The following PCDHA3 variants were observed in gnomAD, a reference collection of about 807,000 sequenced individuals.
PCDHA3 encodes protocadherin alpha-3.
A neutral mutation model predicts 62.2 loss-of-function variants in PCDHA3; 41 were observed. That is an observed-to-expected ratio of 0.66 (90% CI 0.51 to 0.86). The LOEUF (loss-of-function observed/expected upper bound fraction) is 0.86, where lower values mean the gene tolerates loss of function less well. Among genes scored for constraint, PCDHA3 ranks in the 40% least tolerant of loss-of-function variants. The pLI, the probability that PCDHA3 is intolerant of heterozygous loss-of-function variation, is 0.00. For synonymous variants in PCDHA3, 640 were observed against 555.4 expected, an observed-to-expected ratio of 1.15 and a Z score of -2.14; for missense variants, 1,304 against 1,241.2, an observed-to-expected ratio of 1.05 and a Z score of -0.76.
At chr5:140,904,110 T>C (rs556511949) in intron 1 of PCDHA3, among the ~76,000 whole-genome samples, 2 of 152,218 alleles carry the variant, frequency 1.3e-5, no homozygotes, top group Non-Finnish European at 2.9e-5. Context: ...TGGTCATTGC[T>C]GAGATTTTGG....
chr5:140,881,318 C>G (rs970806128), intron 1 of PCDHA3: 20 of 977,252 alleles, frequency 2.0e-5, no homozygotes, highest in East Asian at 2.3e-4. Context: ...TGGTTAAATT[C>G]TATTTAACCA....
intron 1 of PCDHA3, chr5:140,836,231 C>G (rs2150256029): frequency 2.5e-6 from 4 of 1,613,626 alleles, no homozygotes; most frequent in Admixed American, 1.7e-5. Flanking sequence ...CGGTGGCGGC[C>G]GGTGCGAGCA....
At chr5:140,851,790 T>A in intron 1 of PCDHA3, 1 of 955,904 alleles carries the variant, frequency 1.0e-6, no homozygotes, top group Non-Finnish European at 1.3e-6. Context: ...GAGAATTCAC[T>A]TGTTCTGTCA....
At chr5:140,927,123 C>T (rs2083865957) in intron 1 of PCDHA3, 1 of 1,613,986 alleles carries the variant, frequency 6.2e-7, no homozygotes, top group Non-Finnish European at 8.5e-7. Context: ...ATTTGGTGGT[C>T]AGAGAGCCGG....
At position 140,809,647 on chromosome 5, in the gene PCDHA3, A is replaced by G. The variant is rs1764517307; in HGVS notation, c.2394+6056A>G. The G allele has an allele frequency of 2.0e-6, 3 of 1,500,206 alleles. No individual in the cohort carries two copies. In the Admixed American group the frequency reaches 6.9e-5, roughly 34 times the overall value. 92.9% of individuals were successfully genotyped at this position (1,500,206 alleles called of 1,614,324 possible). Reference sequence around the variant, plus strand: ...CAACTTCTTCGTAAATTTATTTCTAAGAGTCAAATTTCCCTGGGTTAAAAT... The same window carrying G: ...CAACTTCTTCGTAAATTTATTTCTAGGAGTCAAATTTCCCTGGGTTAAAAT... On this transcript the variant is annotated intron_variant, in intron 1 of 3. Coordinates refer to ENST00000522353, the MANE Select transcript of PCDHA3 (RefSeq NM_018906.3).
At chr5:141,000,391 CTCTCTA>C (rs1434799221) in intron 3 of PCDHA3, among the ~76,000 whole-genome samples, 1,083 of 55,870 alleles carry the variant, frequency 0.019, 5 homozygotes, top group Non-Finnish European at 0.023. Context: ...CTCTCTCTCT[CTCTCTA>C]TATATATATA....
chr5:140,929,364 A>C (rs782443919), intron 1 of PCDHA3: 3 of 1,521,318 alleles, frequency 2.0e-6, no homozygotes, highest in Admixed American at 2.2e-5. Flanking sequence ...TTTGGCCCGG[A>C]GATGGCTGCT....
rs141558342 is a variant in PCDHA3 at position 140,862,206 on chromosome 5, T to G, written c.2394+58615T>G. The G allele has an allele frequency of 1.6e-3, 319 of 195,694 alleles. 1 individual carries two copies. The highest frequency in any genetic ancestry group is 7.0e-3 in the African/African-American group (300 of 43,022). 12.1% of individuals were successfully genotyped at this position (195,694 alleles called of 1,614,324 possible). A position where few individuals can be genotyped will look rare whatever the true frequency, so the allele number is the denominator to read the frequency against. On this transcript the variant is annotated intron_variant, in intron 1 of 3. Transcript: ENST00000522353. ...AGGCAATTCCCCAATGTTTGATCAC[T>G]GCACAGACTTGATAGAAGTCTTGGA...
intron 3 of PCDHA3, among the ~76,000 whole-genome samples, chr5:141,008,680 T>C (rs2098386787): frequency 6.6e-6 from 1 of 152,220 alleles, no homozygotes; most frequent in Non-Finnish European, 1.5e-5. Flanking sequence ...ATACTTTAGT[T>C]ATTGCATGTA....
At chr5:140,921,868 T>C (rs1037750056) in intron 1 of PCDHA3, among the ~76,000 whole-genome samples, 1 of 152,016 alleles carries the variant, frequency 6.6e-6, no homozygotes, top group Non-Finnish European at 1.5e-5. Context: ...ATATATACAG[T>C]ATATATATAA....
In PCDHA3 at chr5:140,801,805, A is replaced by G. The variant is rs2149953968; in HGVS notation, c.608A>G (p.Glu203Gly). 1 of 1,614,122 alleles carries G rather than the reference A, an allele frequency of 6.2e-7. No individual in the cohort carries two copies. The highest frequency in any genetic ancestry group is 1.1e-5 in the South Asian group (1 of 91,078). ...GTGTTGAAAAAAAATTTAAATCGAG[A>G]GGACACTCCTAAGCATTATTTACTA... ...GLVLKKNLNR[E>G]DTPKHYLLIT... The change falls in exon 1 of 4, where the codon GAG (glutamate) becomes GGG (glycine). Residue 203 changes from glutamate (E) to glycine (G), a missense_variant. Glu to Gly is a moderately conservative substitution (Grantham distance 98, BLOSUM62 -2). Coordinates refer to ENST00000522353, the MANE Select transcript of PCDHA3 (RefSeq NM_018906.3).
chr5:140,839,165 G>GA (rs2150295216), intron 1 of PCDHA3, among the ~76,000 whole-genome samples: 88,383 of 151,582 alleles, frequency 0.58, 26,857 homozygotes, highest in African/African-American at 0.73. Context: ...CTTGTTGAAA[G>GA]ATATTCAGTT....
intron 1 of PCDHA3, chr5:140,835,026 A>G: frequency 1.5e-6 from 2 of 1,336,268 alleles, no homozygotes; most frequent in Non-Finnish European, 2.0e-6. Context: ...GCTCACGGCC[A>G]CCGATGGAGG....
chr5:141,005,959 A>G (rs1225421383), intron 3 of PCDHA3, among the ~76,000 whole-genome samples: 1 of 152,048 alleles, frequency 6.6e-6, no homozygotes, highest in African/African-American at 2.4e-5. Context: ...ACAAACAACA[A>G]TAAAAAAACA....
At chr5:140,816,026 C>A (rs1308933876) in intron 1 of PCDHA3, 4 of 152,090 alleles carry the variant, frequency 2.6e-5, no homozygotes, top group African/African-American at 9.7e-5. Flanking sequence ...TTTCTTGGAT[C>A]TTGATGTCCA....
intron 1 of PCDHA3, among the ~76,000 whole-genome samples, chr5:140,873,882 A>G (rs1311106784): frequency 6.6e-6 from 1 of 152,152 alleles, no homozygotes; most frequent in Non-Finnish European, 1.5e-5. Context: ...GCTGGTCTTG[A>G]ACTCCTGACC....
chr5:140,860,530 T>C (rs1210536247), intron 1 of PCDHA3: 1 of 152,180 alleles, frequency 6.6e-6, no homozygotes, highest in Non-Finnish European at 1.5e-5. Flanking sequence ...GAATTCTGAT[T>C]TGTAAGACAA....
intron 1 of PCDHA3, chr5:140,929,119 G>T (rs2085835460): frequency 1.2e-6 from 2 of 1,614,192 alleles, no homozygotes; most frequent in Non-Finnish European, 1.7e-6. Context: ...AGCCACCATA[G>T]ATGTCACTAC....
chr5:140,934,684 A>C (rs1026507859), intron 1 of PCDHA3, among the ~76,000 whole-genome samples: 9 of 152,178 alleles, frequency 5.9e-5, no homozygotes, highest in Non-Finnish European at 1.3e-4. Flanking sequence ...TATTCAAAAC[A>C]ATGAATTGAT....
Sources: allele counts gnomAD v4.1 joint callset (sites outside exome capture counted in the v4.1 genomes callset), GRCh38; gene constraint gnomAD v4.1.1; transcripts MANE v1.5; gene names NCBI Gene and HGNC (gene_info 2026-07-23, HGNC 2026-07-21).